MYO5A: variants seen among roughly 807,000 people sequenced by gnomAD.
The protein encoded by MYO5A is myosin VA, also known as unconventional myosin-Va.
A neutral mutation model predicts 249.7 loss-of-function variants in MYO5A; 98 were observed. The ratio of observed to expected loss-of-function variants is 0.39; its 90% CI spans 0.33 to 0.46. The LOEUF is 0.46. MYO5A is among the 20% of genes least tolerant of loss of function. The pLI, the probability that MYO5A is intolerant of heterozygous loss-of-function variation, is 0.98. For missense variants in MYO5A, 1,696 were observed against 2,308.8 expected (o/e 0.73, Z 5.44); for synonymous variants, 778 against 810.6 (o/e 0.96, Z 0.68).
chr15:52,370,589 CACAA>C lies in MYO5A; in HGVS notation c.2818-176_2818-173del, dbSNP rs1220283702. On this transcript the variant is annotated intron_variant, in intron 21 of 41. Coordinates refer to ENST00000399233, the MANE Select transcript of MYO5A (RefSeq NM_001382347.1). ...AGCACAACCAATACCTTCTAGGTGA[CACAA>C]ACAGAGAAGAAAACAGGCACAATTA... 3.3e-5 allele frequency among the ~76,000 whole-genome samples: 5 copies of C among 152,170 alleles called. No individual in the cohort carries two copies. In the East Asian group the frequency reaches 9.6e-4, roughly 29 times the overall value.
chr15:52,477,154 A>G (rs1192692985), intron 1 of MYO5A, among the ~76,000 whole-genome samples: 3 of 152,026 alleles, frequency 2.0e-5, no homozygotes, highest in Non-Finnish European at 2.9e-5. Flanking sequence ...ATCTTCAATC[A>G]CTCATATCCT....
intron 1 of MYO5A, among the ~76,000 whole-genome samples, chr15:52,456,320 AC>A (rs1237754031): frequency 1.3e-5 from 2 of 152,198 alleles, no homozygotes; most frequent in Non-Finnish European, 2.9e-5. Flanking sequence ...AAGAGGACAC[AC>A]AAAAACATGG....
At chr15:52,388,398 T>C (rs890152265) in intron 13 of MYO5A, among the ~76,000 whole-genome samples, 6 of 152,216 alleles carry the variant, frequency 3.9e-5, no homozygotes, top group African/African-American at 1.4e-4. Flanking sequence ...TATGATTTGG[T>C]AAAGCAGGAC....
intron 8 of MYO5A, among the ~76,000 whole-genome samples, chr15:52,406,223 C>T (rs1262619620): frequency 1.3e-5 from 2 of 151,982 alleles, no homozygotes; most frequent in East Asian, 3.9e-4. Flanking sequence ...TCAGTAATGA[C>T]CCTATAATTA....
chr15:52,375,672 A>G (rs2041373801), intron 19 of MYO5A, among the ~76,000 whole-genome samples: 1 of 152,232 alleles, frequency 6.6e-6, no homozygotes, highest in Non-Finnish European at 1.5e-5. Flanking sequence ...TTATTATCTC[A>G]TTTGAGCCCT....
At chr15:52,330,320 AAG>A in intron 35 of MYO5A, 31 bp downstream of exon 35, 1 of 1,613,912 alleles carries the variant, frequency 6.2e-7, no homozygotes. Context: ...CATGTGCCAG[AAG>A]GAACTTTTAT....
At chr15:52,316,241 AAAAAAAAAAAAAAAAAAGAAAG>A (rs1163621649) in intron 40 of MYO5A, among the ~76,000 whole-genome samples, 1 of 149,782 alleles carries the variant, frequency 6.7e-6, no homozygotes, top group Non-Finnish European at 1.5e-5. Context: ...CACAAAAAAA[AAAAAAAAAAAAAAAAAAGAAAG>A]AAAGTCTAAG....
Position 52,313,440 on chromosome 15 carries a change from A to T in MYO5A, c.*256T>A, listed in dbSNP as rs984224946. 3 of 469,510 alleles carry T rather than the reference A, an allele frequency of 6.4e-6. No homozygotes were observed. Among genetic ancestry groups the T allele is most frequent in the Non-Finnish European group, 1.2e-5 (3 of 258,412 alleles). 29.1% of individuals were successfully genotyped at this position (469,510 alleles called of 1,614,324 possible). A position where few individuals can be genotyped will look rare whatever the true frequency, so the allele number is the denominator to read the frequency against. On this transcript the variant is annotated 3_prime_UTR_variant, in exon 42 of 42. Transcript: ENST00000399233. ...CTTTCCTTCCTCCCTTCCTTCCATC[A>T]TTCTCCTGTATGTAAACTCACGGTA...
intron 22 of MYO5A, among the ~76,000 whole-genome samples, chr15:52,369,286 G>C (rs1277620500): frequency 6.6e-6 from 1 of 152,134 alleles, no homozygotes; most frequent in Non-Finnish European, 1.5e-5. Context: ...CAGGATTCTT[G>C]CCAGCAGTTA....
At position 52,330,494 on chromosome 15, in the gene MYO5A, G is replaced by C; in HGVS notation, c.4414C>G (p.Gln1472Glu). ...TGTCCTGGGGATATGTTCTCCATCT[G>C]GCCCACTTTATGAGAAGTAAGAAAG... ...AKKIGELEVG[Q>E]MENISPGQII... The change falls in exon 35 of 42, where the codon CAG (glutamine) becomes GAG (glutamate). Residue 1472 changes from glutamine to glutamate, a missense_variant. Physicochemically the swap from Gln to Glu is conservative, Grantham distance 29 (BLOSUM62 2). Coordinates refer to ENST00000399233, the MANE Select transcript of MYO5A (RefSeq NM_001382347.1). 2 of 1,613,916 alleles carry C rather than the reference G, an allele frequency of 1.2e-6. No homozygotes were observed. The highest frequency in any genetic ancestry group is 1.7e-6 in the Non-Finnish European group (2 of 1,179,940).
intron 29 of MYO5A, among the ~76,000 whole-genome samples, chr15:52,347,587 T>C (rs756008233): frequency 2.0e-5 from 3 of 152,186 alleles, no homozygotes; most frequent in Non-Finnish European, 4.4e-5. Context: ...ATAACTTTAA[T>C]GCCAATCAGA....
At chr15:52,328,922 C>A (rs1057452661) in intron 35 of MYO5A, among the ~76,000 whole-genome samples, 1 of 152,230 alleles carries the variant, frequency 6.6e-6, no homozygotes, top group African/African-American at 2.4e-5. Context: ...GACTTGTTAG[C>A]TTACTTCCTT....
At chr15:52,338,414 T>C (rs1381116659) in intron 32 of MYO5A, among the ~76,000 whole-genome samples, 1 of 151,912 alleles carries the variant, frequency 6.6e-6, no homozygotes, top group African/African-American at 2.4e-5. Context: ...GGTAGAAAAA[T>C]CATTTTTGTG....
At chr15:52,337,910 T>A (rs1180893448) in intron 32 of MYO5A, 26 bp from the exon 33 acceptor site, 1 of 1,478,040 alleles carries the variant, frequency 6.8e-7, no homozygotes, top group East Asian at 2.5e-5. Flanking sequence ...CAATGGATAT[T>A]TGTTTTTGTC....
chr15:52,362,557 A>G (rs1188923461), intron 24 of MYO5A, among the ~76,000 whole-genome samples: 1 of 152,232 alleles, frequency 6.6e-6, no homozygotes, highest in Non-Finnish European at 1.5e-5. Flanking sequence ...ATGAGTGGGA[A>G]GCAAGTGAGC....
chr15:52,332,184 T>A (rs1049381299), intron 34 of MYO5A, among the ~76,000 whole-genome samples: 8 of 152,170 alleles, frequency 5.3e-5, no homozygotes, highest in African/African-American at 1.9e-4. Flanking sequence ...GAAAACAAGT[T>A]CAACATACTA....
intron 1 of MYO5A, among the ~76,000 whole-genome samples, chr15:52,481,104 T>C (rs2076705792): frequency 6.6e-6 from 1 of 152,138 alleles, no homozygotes; most frequent in Non-Finnish European, 1.5e-5. Flanking sequence ...ACTTTGGAGG[T>C]TAGAACTAGC....
chr15:52,321,352 G>C lies in MYO5A; in HGVS notation c.4951+7C>G, dbSNP rs1237103103. 8.7e-6 allele frequency: 14 copies of C among 1,614,020 alleles called. No homozygotes were observed. The highest frequency in any genetic ancestry group is 1.1e-5 in the Non-Finnish European group (13 of 1,180,030). ...GGCTGCAATGCCCAGTGGGGCCCTG[G>C]CCTTACCAATCATTGGCTGAAGGAT... On this transcript the variant is annotated splice_region_variant and intron_variant, in intron 38 of 41. Coordinates refer to ENST00000399233, the MANE Select transcript of MYO5A (RefSeq NM_001382347.1).
Position 52,351,235 on chromosome 15 carries a change from ATTGTGTGC to A in MYO5A, c.3849+11_3849+18del, listed in dbSNP as rs1567043048. ...GGCCAGTCCCCGAACACCCAGTTTA[ATTGTGTGC>A]TTGCGCTTACCTTGGGTTGGATGGC... On this transcript the variant is annotated intron_variant, in intron 28 of 41. Coordinates refer to ENST00000399233, the MANE Select transcript of MYO5A (RefSeq NM_001382347.1). The A allele has an allele frequency of 2.5e-6, 4 of 1,607,566 alleles. No homozygotes were observed. Among genetic ancestry groups the A allele is most frequent in the Non-Finnish European group, 2.6e-6 (3 of 1,174,812 alleles).
Sources: gnomAD v4.1 joint callset for allele counts (sites outside exome capture counted in the v4.1 genomes callset) on GRCh38, gnomAD v4.1.1 for gene constraint, MANE v1.5 for transcripts, NCBI Gene and HGNC (gene_info 2026-07-23, HGNC 2026-07-21) for gene names.